CDYL2: variants seen among roughly 807,000 people sequenced by gnomAD.
CDYL2 encodes the protein chromodomain Y-like protein 2.
A neutral mutation model predicts 49.4 loss-of-function variants in CDYL2; 23 were observed. That is an observed-to-expected ratio of 0.47 (90% CI 0.34 to 0.66). CDYL2 has a LOEUF of 0.66. Among genes scored for constraint, CDYL2 ranks in the 30% least tolerant of loss-of-function variants. The probability of loss-of-function intolerance (pLI) is 0.01; values close to 1 mark genes in which losing one functional copy is unlikely to be tolerated. For missense variants in CDYL2, 678 were observed against 656.4 expected, an observed-to-expected ratio of 1.03 and a Z score of -0.36; for synonymous variants, 360 against 268.8, an observed-to-expected ratio of 1.34 and a Z score of -3.32.
chr16:80,658,063 T>TA lies in CDYL2; in HGVS notation c.617-24828dup, dbSNP rs201798442. On this transcript the variant is annotated intron_variant, in intron 2 of 6. Coordinates refer to ENST00000570137, the MANE Select transcript of CDYL2 (RefSeq NM_152342.4). ...TGGAAAAGTACTTTACCTTTAAATG[T>TA]AAAAAAAAAAGATGGGAAAATAACA... is the stretch of plus-strand genomic sequence containing the variant. Among the ~76,000 whole-genome samples the TA allele has an allele frequency of 1.2e-3, 152 of 124,104 alleles. 2 individuals carry two copies. Among genetic ancestry groups the TA allele is most frequent in the Middle Eastern group, 4.2e-3 (1 of 236 alleles). The allele number at this position is 124,104 out of a possible 152,430, so 81.4% of individuals were successfully genotyped here.
chr16:80,647,986 C>T (rs1908423872), intron 2 of CDYL2, among the ~76,000 whole-genome samples: 1 of 151,662 alleles, frequency 6.6e-6, no homozygotes, highest in African/African-American at 2.4e-5. Flanking sequence ...CAAAATATAC[C>T]AAAACCTATG....
intron 1 of CDYL2, among the ~76,000 whole-genome samples, chr16:80,689,726 C>T (rs1026248): frequency 1 from 152,318 of 152,374 alleles, 76,131 homozygotes; most frequent in Middle Eastern, 1. Context: ...GAGGCACCAG[C>T]GTGCAACAAG....
rs114086059 is a variant in CDYL2, at chr16:80,708,747, G to A, written c.25-23618C>T. The stretch of plus-strand genomic sequence containing the variant: ...ATGAACAAATAAATAAAACACACAG[G>A]GTTGTTTTTTTTTGTACTTATATGT... On this transcript the variant is annotated intron_variant, in intron 1 of 6. Coordinates refer to ENST00000570137, the MANE Select transcript of CDYL2 (RefSeq NM_152342.4). 7.6e-3 allele frequency among the ~76,000 whole-genome samples: 1,154 copies of A among 152,022 alleles called. 15 individuals are homozygous for A. The highest frequency in any genetic ancestry group is 0.026 in the African/African-American group (1,083 of 41,456).
chr16:80,675,265 C>T (rs56045906), intron 2 of CDYL2, among the ~76,000 whole-genome samples: 3,222 of 152,312 alleles, frequency 0.021, 45 homozygotes, highest in Middle Eastern at 0.034. Flanking sequence ...CCCGGCACCA[C>T]ACCCTAATTC....
chr16:80,787,865 AT>A (rs1461533292), intron 1 of CDYL2, among the ~76,000 whole-genome samples: 1 of 152,136 alleles, frequency 6.6e-6, no homozygotes, highest in East Asian at 1.9e-4. Context: ...CTCTGGTAAT[AT>A]TTTTTAATGC....
chr16:80,693,695 C>T (rs917446154), intron 1 of CDYL2, among the ~76,000 whole-genome samples: 1 of 152,182 alleles, frequency 6.6e-6, no homozygotes, highest in Non-Finnish European at 1.5e-5. Flanking sequence ...GATTACCAAT[C>T]GGCTACACAA....
At chr16:80,707,628 A>G (rs1392542007) in intron 1 of CDYL2, among the ~76,000 whole-genome samples, 3 of 152,202 alleles carry the variant, frequency 2.0e-5, no homozygotes, top group African/African-American at 7.2e-5. Flanking sequence ...TGGCATCACC[A>G]AACTCCAGAT....
intron 1 of CDYL2, among the ~76,000 whole-genome samples, chr16:80,763,639 C>T (rs944624040): frequency 6.6e-6 from 1 of 151,876 alleles, no homozygotes; most frequent in Non-Finnish European, 1.5e-5. Context: ...AAAAAAAACA[C>T]TTCTCATCAG....
chr16:80,625,872 G>C (rs550332871), intron 3 of CDYL2, among the ~76,000 whole-genome samples: 1 of 152,102 alleles, frequency 6.6e-6, no homozygotes, highest in Non-Finnish European at 1.5e-5. Flanking sequence ...AAAAGGAAGG[G>C]TAAAAATTAG....
chr16:80,686,471 C>T (rs1910199633), intron 1 of CDYL2, among the ~76,000 whole-genome samples: 1 of 151,910 alleles, frequency 6.6e-6, no homozygotes. Flanking sequence ...AATTTTGACC[C>T]AATAAAATTA....
At chr16:80,726,331 C>T (rs767645200) in intron 1 of CDYL2, among the ~76,000 whole-genome samples, 5 of 152,114 alleles carry the variant, frequency 3.3e-5, no homozygotes, top group Non-Finnish European at 2.9e-5. Context: ...CTTCATAAAA[C>T]AAAGACACTG....
intron 1 of CDYL2, among the ~76,000 whole-genome samples, chr16:80,704,679 GGGA>G (rs1209391199): frequency 6.6e-6 from 1 of 152,222 alleles, no homozygotes; most frequent in African/African-American, 2.4e-5. Flanking sequence ...CAGGGCATGC[GGGA>G]GGAGCTCAGG....
At chr16:80,620,313 G>A (rs11648844) in intron 4 of CDYL2, among the ~76,000 whole-genome samples, 19,461 of 152,150 alleles carry the variant, frequency 0.13, 1,488 homozygotes, top group Middle Eastern at 0.18. Flanking sequence ...GCTGCCCAGG[G>A]AACCCCTCCA....
intron 2 of CDYL2, among the ~76,000 whole-genome samples, chr16:80,634,976 G>A (rs1359593353): frequency 6.6e-6 from 1 of 152,210 alleles, no homozygotes; most frequent in Non-Finnish European, 1.5e-5. Context: ...TTCATTCCAT[G>A]AGGCTTGAGT....
chr16:80,803,742 C>G (rs982908492), intron 1 of CDYL2, among the ~76,000 whole-genome samples: 1 of 143,456 alleles, frequency 7.0e-6, no homozygotes, highest in African/African-American at 2.5e-5. Context: ...GGCGCGCCCC[C>G]CCGCATTCCC....
At position 80,712,183 on chromosome 16, in the gene CDYL2, C is replaced by CTGTG. The variant is rs1242735654; in HGVS notation, c.25-27058_25-27055dup. ...TGTGTATATATATGTGTCTTTGTGT[C>CTGTG]TGTGTGTGTATATATATATATATAT... is the stretch of plus-strand genomic sequence containing the variant. On this transcript the variant is annotated intron_variant, in intron 1 of 6. Transcript: ENST00000570137. Among the ~76,000 whole-genome samples the CTGTG allele has an allele frequency of 4.5e-3, 125 of 27,594 alleles. 1 individual carries two copies. The highest frequency in any genetic ancestry group is 0.012 in the South Asian group (8 of 680). The allele number at this position is 27,594 out of a possible 152,430, so 18.1% of individuals were successfully genotyped here.
chr16:80,680,768 C>T (rs75588340), intron 2 of CDYL2, among the ~76,000 whole-genome samples: 7 of 152,244 alleles, frequency 4.6e-5, no homozygotes, highest in East Asian at 1.9e-4. Flanking sequence ...CCATCTCTTA[C>T]GACCAAACAC....
chr16:80,662,460 T>C (rs903887009), intron 2 of CDYL2, among the ~76,000 whole-genome samples: 1 of 152,130 alleles, frequency 6.6e-6, no homozygotes, highest in African/African-American at 2.4e-5. Flanking sequence ...AGTGCATCTC[T>C]CTTCTGGTTG....
chr16:80,608,594 A>C (rs913660273), intron 5 of CDYL2, among the ~76,000 whole-genome samples: 8 of 152,282 alleles, frequency 5.3e-5, no homozygotes, highest in African/African-American at 1.9e-4. Flanking sequence ...TGAAATGCAC[A>C]CAGCCCACAA....
Sources: allele counts gnomAD v4.1 joint callset (sites outside exome capture counted in the v4.1 genomes callset), GRCh38; gene constraint gnomAD v4.1.1; transcripts MANE v1.5; gene names NCBI Gene and HGNC (gene_info 2026-07-23, HGNC 2026-07-21).